Variants in CD99L2 observed in about 807,000 individuals in gnomAD.
The protein encoded by CD99L2 is CD99 antigen-like protein 2.
A neutral mutation model predicts 27.3 loss-of-function variants in CD99L2; 24 were observed. That is an observed-to-expected ratio of 0.88 (90% CI 0.64 to 1.24). CD99L2 has a LOEUF of 1.24. CD99L2 is among the 50% of genes most tolerant of loss of function. The pLI, the probability that CD99L2 is intolerant of heterozygous loss-of-function variation, is 0.00. For synonymous variants in CD99L2, 97 were observed against 87.9 expected (o/e 1.10, Z -0.58); for missense variants, 255 against 221.6 (o/e 1.15, Z -0.96).
At chrX:150,893,786 G>A (rs2047559177) in intron 1 of CD99L2, among the ~76,000 whole-genome samples, 1 of 110,032 alleles carries the variant, frequency 9.1e-6, no homozygotes, top group Non-Finnish European at 1.9e-5. Flanking sequence ...CATGATCTAA[G>A]CTTACTGCAG....
chrX:150,808,199 G>A (rs373291822), intron 4 of CD99L2, among the ~76,000 whole-genome samples: 7 of 112,618 alleles, frequency 6.2e-5, no homozygotes, highest in Non-Finnish European at 9.4e-5. Flanking sequence ...CACTGATATC[G>A]AAAACATCAC....
At chrX:150,835,444 C>T (rs782523934) in intron 1 of CD99L2, among the ~76,000 whole-genome samples, 2 of 111,845 alleles carry the variant, frequency 1.8e-5, no homozygotes, top group South Asian at 3.7e-4. Flanking sequence ...GAAGGAGGAT[C>T]GCTGGAGGCT....
intron 2 of CD99L2, among the ~76,000 whole-genome samples, chrX:150,820,265 A>G (rs1273814230): frequency 1.4e-5 from 1 of 72,054 alleles, no homozygotes; most frequent in East Asian, 3.6e-4. Context: ...ATGGAAGGAG[A>G]AAAAAAAAAA....
chrX:150,816,026 T>C lies in CD99L2; in HGVS notation c.183A>G (p.Arg61=). ...CATTACCTGGAGGTTTTGCCGGAGC[T>C]CTGGTGGTTCCTGGCCTATTGGTTG... The part of the protein sequence containing the change: ...TTTTNRPGTT[R]APAKPPGSGL... Residue 61 remains arginine (R), a synonymous_variant, in exon 3 of 11, where the codon AGA becomes AGG. Transcript: ENST00000370377. 1 of 1,211,371 alleles carries C rather than the reference T, an allele frequency of 8.3e-7. No homozygotes were observed. The highest frequency in any genetic ancestry group is 1.1e-6 in the Non-Finnish European group (1 of 895,367).
At chrX:150,813,180 C>A (rs1440758593) in intron 4 of CD99L2, among the ~76,000 whole-genome samples, 1 of 111,412 alleles carries the variant, frequency 9.0e-6, no homozygotes, top group Non-Finnish European at 1.9e-5. Flanking sequence ...ATGATAGATA[C>A]ACAAACCTAC....
intron 1 of CD99L2, among the ~76,000 whole-genome samples, chrX:150,850,999 G>A (rs1326503517): frequency 2.7e-5 from 3 of 111,076 alleles, no homozygotes; most frequent in Non-Finnish European, 5.7e-5. Context: ...CACGGCACGC[G>A]GCTAATTTTT....
chrX:150,874,940 C>CA (rs1301616563), intron 1 of CD99L2, among the ~76,000 whole-genome samples: 1 of 111,858 alleles, frequency 8.9e-6, no homozygotes, highest in Non-Finnish European at 1.9e-5. Flanking sequence ...TCCCCACACT[C>CA]AGAGTGGCTC....
chrX:150,870,920 C>A (rs1335685335), intron 1 of CD99L2, among the ~76,000 whole-genome samples: 1 of 111,242 alleles, frequency 9.0e-6, no homozygotes, highest in Non-Finnish European at 1.9e-5. Context: ...CGAGGAGTGA[C>A]GGGAGCACTC....
At chrX:150,771,720 G>A (rs781948990) in intron 9 of CD99L2, 51 of 1,043,221 alleles carry the variant, frequency 4.9e-5, no homozygotes, top group South Asian at 1.2e-4. Flanking sequence ...GGAGAAGAGC[G>A]GCAAGGAAGC....
Position 150,898,054 on chromosome X carries a change from ACCCCCCC to A in CD99L2, c.67+461_67+467del, listed in dbSNP as rs370763385. Among the ~76,000 whole-genome samples, 217 of 29,928 alleles carry A rather than the reference ACCCCCCC, an allele frequency of 7.3e-3. 9 individuals carry two copies. The highest frequency in any genetic ancestry group is 0.018 in the African/African-American group (198 of 11,139). 26.0% of individuals were successfully genotyped at this position (29,928 alleles called of 115,157 possible). ...AGCTGGTTAGACCTACGCCTCGCTG[ACCCCCCC>A]CCCCCCCCCCCACAGCCCATGCCCG... On this transcript the variant is annotated intron_variant, in intron 1 of 10. Coordinates refer to ENST00000370377, the MANE Select transcript of CD99L2 (RefSeq NM_031462.4).
At chrX:150,889,673 G>C (rs1557422726) in intron 1 of CD99L2, among the ~76,000 whole-genome samples, 1 of 111,931 alleles carries the variant, frequency 8.9e-6, no homozygotes, top group African/African-American at 3.2e-5. Context: ...CACTGAACAG[G>C]GGTGTCATAT....
intron 2 of CD99L2, chrX:150,816,345 C>T: frequency 2.8e-6 from 1 of 354,406 alleles, no homozygotes; most frequent in Non-Finnish European, 5.0e-6. Flanking sequence ...ATTAGTGAAC[C>T]TGGGCTTGCA....
chrX:150,867,470 T>C (rs1425911740), intron 1 of CD99L2, among the ~76,000 whole-genome samples: 2 of 110,682 alleles, frequency 1.8e-5, no homozygotes, highest in Non-Finnish European at 3.8e-5. Flanking sequence ...ATACATATAA[T>C]AACATAATGT....
At position 150,793,896 on chromosome X, in the gene CD99L2, C is replaced by T. The variant is rs184663949; in HGVS notation, c.431-140G>A. On this transcript the variant is annotated intron_variant, in intron 6 of 10. Transcript: ENST00000370377. Reference sequence around the variant, plus strand: ...CCTTCATGAAATTCTAAGAGGTCCCCCCAGACCCCCTCCCACTGGTGTACA... The same window carrying T: ...CCTTCATGAAATTCTAAGAGGTCCCTCCAGACCCCCTCCCACTGGTGTACA... 348 of 431,112 alleles carry T rather than the reference C, an allele frequency of 8.1e-4. 1 individual carries two copies. The highest frequency in any genetic ancestry group is 6.0e-3 in the African/African-American group (236 of 39,565). The allele number at this position is 431,112 out of a possible 1,213,427, so 35.5% of individuals were successfully genotyped here. A position where few individuals can be genotyped will look rare whatever the true frequency, so the allele number is the denominator to read the frequency against.
At chrX:150,887,787 G>A (rs971538885) in intron 1 of CD99L2, among the ~76,000 whole-genome samples, 2 of 112,014 alleles carry the variant, frequency 1.8e-5, no homozygotes, top group Non-Finnish European at 3.8e-5. Flanking sequence ...GCAGCATGGC[G>A]TCACAGGAAG....
chrX:150,778,100 C>G (rs1342426354), intron 7 of CD99L2, among the ~76,000 whole-genome samples: 2 of 111,068 alleles, frequency 1.8e-5, no homozygotes, highest in African/African-American at 6.6e-5. Context: ...CTTGTGGTGA[C>G]AGACTGTTCT....
intron 2 of CD99L2, among the ~76,000 whole-genome samples, chrX:150,817,520 T>C (rs1294449995): frequency 2.7e-5 from 3 of 112,159 alleles, no homozygotes; most frequent in Non-Finnish European, 5.6e-5. Context: ...CATGAAGTTT[T>C]TCCAATAGTT....
At chrX:150,808,479 G>A (rs1442249166) in intron 4 of CD99L2, among the ~76,000 whole-genome samples, 1 of 111,871 alleles carries the variant, frequency 8.9e-6, no homozygotes, top group Non-Finnish European at 1.9e-5. Context: ...GCAGTTGAAA[G>A]AGAATGCCAG....
At chrX:150,790,944 G>A (rs1181335384) in intron 7 of CD99L2, among the ~76,000 whole-genome samples, 1 of 111,408 alleles carries the variant, frequency 9.0e-6, no homozygotes, top group Non-Finnish European at 1.9e-5. Context: ...GGGGTCTTTG[G>A]GAGTTAATTA....
Sources: allele counts gnomAD v4.1 joint callset (sites outside exome capture counted in the v4.1 genomes callset), GRCh38; gene constraint gnomAD v4.1.1; transcripts MANE v1.5; gene names NCBI Gene and HGNC (gene_info 2026-07-23, HGNC 2026-07-21).